Variants in TRIO observed in about 807,000 individuals in gnomAD.
TRIO encodes trio Rho guanine nucleotide exchange factor.
TRIO carries 58 observed loss-of-function variants against 351.9 expected under a neutral mutation model. The ratio of observed to expected loss-of-function variants is 0.16; its 90% CI spans 0.13 to 0.21. The LOEUF is 0.21. Ranked by LOEUF, TRIO falls within the 10% of genes least tolerant of loss-of-function variation. The pLI is 1.00. For synonymous variants in TRIO, 1,758 were observed against 1,595.7 expected, an observed-to-expected ratio of 1.10 and a Z score of -2.42; for missense variants, 3,201 against 4,027.8, an observed-to-expected ratio of 0.79 and a Z score of 5.56.
At chr5:14,168,823 T>G (rs1028640757) in intron 1 of TRIO, among the ~76,000 whole-genome samples, 1 of 152,246 alleles carries the variant, frequency 6.6e-6, no homozygotes, top group Non-Finnish European at 1.5e-5. Context: ...TTCAGCTTGC[T>G]TTTTGGAAAA....
In TRIO at chr5:14,143,722, A is replaced by ATGAGCGGCAGCAGCGGCGGAGCCGCCGCC. The variant is rs1342588498; in HGVS notation, c.-4_-3insTGAGCGGCAGCAGCGGCGGAGCCGCCGCC. Reference sequence around the variant, plus strand: ...CGGGCGCGGCCGCGGGCGCCGCCGCAGCCATGAGCGGCAGCAGCGGCGGAG... The same window carrying ATGAGCGGCAGCAGCGGCGGAGCCGCCGCC: ...CGGGCGCGGCCGCGGGCGCCGCCGCATGAGCGGCAGCAGCGGCGGAGCCGCCGCCGCCATGAGCGGCAGCAGCGGCGGAG... On this transcript the variant is annotated 5_prime_UTR_variant, in exon 1 of 57. The change creates a new upstream start codon in the 5' untranslated region. Coordinates refer to ENST00000344204, the MANE Select transcript of TRIO (RefSeq NM_007118.4). The ATGAGCGGCAGCAGCGGCGGAGCCGCCGCC allele has an allele frequency of 6.1e-6, 6 of 976,056 alleles. No individual in the cohort carries two copies. The highest frequency in any genetic ancestry group is 7.3e-6 in the Non-Finnish European group (6 of 825,670). 60.5% of individuals were successfully genotyped at this position (976,056 alleles called of 1,614,324 possible).
At chr5:14,335,107 C>G (rs1432804531) in intron 10 of TRIO, among the ~76,000 whole-genome samples, 2 of 152,188 alleles carry the variant, frequency 1.3e-5, no homozygotes. Flanking sequence ...AGCTCCAATT[C>G]CAGCCCAATG....
At chr5:14,442,246 C>T (rs531864087) in intron 34 of TRIO, among the ~76,000 whole-genome samples, 4 of 152,268 alleles carry the variant, frequency 2.6e-5, no homozygotes, top group African/African-American at 9.6e-5. Context: ...AGCCGTTATC[C>T]GCGTATATGC....
intron 9 of TRIO, among the ~76,000 whole-genome samples, chr5:14,318,804 C>T (rs1739611292): frequency 6.6e-6 from 1 of 152,242 alleles, no homozygotes; most frequent in Non-Finnish European, 1.5e-5. Context: ...TTGAAAAATT[C>T]CCCACATTCC....
intron 1 of TRIO, among the ~76,000 whole-genome samples, chr5:14,262,915 A>G (rs1216602344): frequency 6.6e-6 from 1 of 152,078 alleles, no homozygotes; most frequent in African/African-American, 2.4e-5. Context: ...AGTGATGGAC[A>G]GTTTCCTACC....
At chr5:14,491,205 C>T (rs1756458163) in intron 48 of TRIO, among the ~76,000 whole-genome samples, 1 of 152,182 alleles carries the variant, frequency 6.6e-6, no homozygotes, top group Admixed American at 6.5e-5. Flanking sequence ...TCCCTCTGGT[C>T]CTTTTGGCCA....
At chr5:14,239,297 A>G (rs1431824655) in intron 1 of TRIO, among the ~76,000 whole-genome samples, 3 of 151,970 alleles carry the variant, frequency 2.0e-5, no homozygotes, top group African/African-American at 7.3e-5. Flanking sequence ...GTTCTTATGT[A>G]AGCGTTCTTG....
intron 34 of TRIO, among the ~76,000 whole-genome samples, chr5:14,442,895 G>A (rs746064591): frequency 6.6e-6 from 1 of 152,190 alleles, no homozygotes; most frequent in Non-Finnish European, 1.5e-5. Flanking sequence ...TGCAAAGTGG[G>A]AGTAACAATA....
intron 34 of TRIO, among the ~76,000 whole-genome samples, chr5:14,445,546 C>G (rs781129664): frequency 5.3e-5 from 8 of 152,178 alleles, no homozygotes; most frequent in Non-Finnish European, 1.0e-4. Context: ...TGTCCAGTTT[C>G]TCAGATGCGC....
chr5:14,426,288 T>G (rs2401901), intron 34 of TRIO, among the ~76,000 whole-genome samples: 11,245 of 152,194 alleles, frequency 0.074, 1,349 homozygotes, highest in African/African-American at 0.26. Context: ...GTACATCAGG[T>G]AACATAGGGG....
At chr5:14,319,985 G>C (rs115861021) in intron 9 of TRIO, among the ~76,000 whole-genome samples, 6 of 152,186 alleles carry the variant, frequency 3.9e-5, no homozygotes, top group African/African-American at 1.4e-4. Flanking sequence ...CACACTTACC[G>C]TGCTTCCAAT....
chr5:14,415,152 T>G (rs984121352), intron 33 of TRIO, among the ~76,000 whole-genome samples: 16 of 152,244 alleles, frequency 1.1e-4, no homozygotes, highest in Non-Finnish European at 1.5e-5. Context: ...CTTTGTTCTT[T>G]AGGGGAAAAT....
intron 34 of TRIO, among the ~76,000 whole-genome samples, chr5:14,442,070 G>T (rs1364492605): frequency 2.0e-5 from 3 of 152,212 alleles, no homozygotes; most frequent in African/African-American, 7.2e-5. Context: ...CCCTGTTCCA[G>T]AGGCCAGCTT....
At chr5:14,149,701 T>A (rs1787713521) in intron 1 of TRIO, among the ~76,000 whole-genome samples, 1 of 152,214 alleles carries the variant, frequency 6.6e-6, no homozygotes. Flanking sequence ...GCTCTTTTCA[T>A]TAGCCACATG....
intron 1 of TRIO, among the ~76,000 whole-genome samples, chr5:14,269,142 C>A (rs939359709): frequency 2.0e-5 from 3 of 152,168 alleles, no homozygotes; most frequent in Non-Finnish European, 4.4e-5. Flanking sequence ...TTCCACGCAG[C>A]CTTCCTAGGA....
chr5:14,480,984 C>T (rs1200921725), intron 43 of TRIO, among the ~76,000 whole-genome samples: 1 of 151,890 alleles, frequency 6.6e-6, no homozygotes, highest in African/African-American at 2.4e-5. Flanking sequence ...AAAAAAAATT[C>T]TTTCAGAACT....
intron 1 of TRIO, among the ~76,000 whole-genome samples, chr5:14,234,539 T>C (rs1793657894): frequency 6.6e-6 from 1 of 152,194 alleles, no homozygotes; most frequent in Admixed American, 6.5e-5. Flanking sequence ...ACACCACAAT[T>C]GAGTTGGGGG....
chr5:14,508,669 G>A lies in TRIO; in HGVS notation c.*247G>A. Reference sequence around the variant, plus strand: ...TTGCTGTATCACAGTATTTTATTCAGGTTTCTGCAAAAAAATAAAAAGATA... The same window carrying A: ...TTGCTGTATCACAGTATTTTATTCAAGTTTCTGCAAAAAAATAAAAAGATA... On this transcript the variant is annotated 3_prime_UTR_variant, in exon 57 of 57. Transcript: ENST00000344204. 1 of 410,466 alleles carries A rather than the reference G, an allele frequency of 2.4e-6. No homozygotes were observed. Among genetic ancestry groups the A allele is most frequent in the Non-Finnish European group, 4.3e-6 (1 of 234,010 alleles). The allele number at this position is 410,466 out of a possible 1,614,324, so 25.4% of individuals were successfully genotyped here.
chr5:14,444,473 T>G (rs1385345337), intron 34 of TRIO, among the ~76,000 whole-genome samples: 1 of 152,198 alleles, frequency 6.6e-6, no homozygotes, highest in Non-Finnish European at 1.5e-5. Flanking sequence ...CAGTATAGGA[T>G]AGTGGGAATG....
Sources: gnomAD v4.1 joint callset for allele counts (sites outside exome capture counted in the v4.1 genomes callset) on GRCh38, gnomAD v4.1.1 for gene constraint, MANE v1.5 for transcripts, NCBI Gene and HGNC (gene_info 2026-07-23, HGNC 2026-07-21) for gene names.